Variants in SATB2 observed in about 807,000 individuals in gnomAD.
SATB2 encodes the protein DNA-binding protein SATB2.
Under a neutral mutation model 73.4 loss-of-function variants are expected in SATB2, and 1 was observed. The observed-to-expected ratio is 0.01, with a 90% CI of 0.00 to 0.06. The LOEUF (loss-of-function observed/expected upper bound fraction) is 0.06. Among genes scored for constraint, SATB2 ranks in the 10% least tolerant of loss-of-function variants. SATB2 has a pLI of 1.00. For missense variants in SATB2, 459 were observed against 945.8 expected (o/e 0.49, Z 6.75); for synonymous variants, 397 against 367.0 (o/e 1.08, Z -0.93).
upstream of SATB2, among the ~76,000 whole-genome samples, chr2:199,462,104 C>T (rs1692488866): frequency 6.6e-6 from 1 of 152,184 alleles, no homozygotes; most frequent in Admixed American, 6.5e-5. The surrounding 1 kb of genome is among the most constrained non-coding windows in gnomAD (Gnocchi z 5.9). Context: ...GCAGAGAGAC[C>T]CTGCCTTTTA....
chr2:199,318,969 T>G (rs2105782656), intron 9 of SATB2, among the ~76,000 whole-genome samples: 1 of 151,834 alleles, frequency 6.6e-6, no homozygotes, highest in Non-Finnish European at 1.5e-5. Flanking sequence ...CACTTAGGAA[T>G]ACAATTTGTT....
intron 3 of SATB2, among the ~76,000 whole-genome samples, chr2:199,391,241 C>T (rs1019820869): frequency 6.6e-5 from 10 of 151,824 alleles, no homozygotes; most frequent in African/African-American, 2.4e-4. Context: ...GGACAGAGAT[C>T]GAGAACACGC....
chr2:199,386,002 A>T (rs1545411), intron 3 of SATB2, among the ~76,000 whole-genome samples: 4,368 of 152,256 alleles, frequency 0.029, 229 homozygotes, highest in African/African-American at 0.1. Context: ...GGACTGCTAC[A>T]TAAGTGCTCC....
intron 3 of SATB2, among the ~76,000 whole-genome samples, chr2:199,417,198 C>T (rs1267730195): frequency 6.6e-6 from 1 of 151,458 alleles, no homozygotes; most frequent in African/African-American, 2.4e-5. Context: ...GGTAAAAGTG[C>T]ACCAAAATAA....
chr2:199,313,502 C>T (rs987459393), intron 9 of SATB2, among the ~76,000 whole-genome samples: 3 of 152,116 alleles, frequency 2.0e-5, no homozygotes, highest in Non-Finnish European at 2.9e-5. Flanking sequence ...TTTTAGCCAT[C>T]TCATCAGCCT....
chr2:199,415,745 C>T (rs1490004928), intron 3 of SATB2, among the ~76,000 whole-genome samples: 2 of 152,220 alleles, frequency 1.3e-5, no homozygotes, highest in African/African-American at 4.8e-5. Context: ...TCTACTGTGG[C>T]CACGCAAAGC....
At chr2:199,417,918 C>CT (rs1691042564) in intron 3 of SATB2, among the ~76,000 whole-genome samples, 3 of 152,312 alleles carry the variant, frequency 2.0e-5, no homozygotes, top group Admixed American at 2.0e-4. Flanking sequence ...AAGACCTAGT[C>CT]TACCTATACC....
At chr2:199,346,609 C>T (rs778689755) in intron 7 of SATB2, among the ~76,000 whole-genome samples, 11 of 152,152 alleles carry the variant, frequency 7.2e-5, no homozygotes, top group African/African-American at 9.7e-5. Flanking sequence ...AACAAAAACG[C>T]TATTTATTTA....
In SATB2 at chr2:199,272,169, A is replaced by T; in HGVS notation, c.*42T>A. The T allele has an allele frequency of 3.8e-6, 6 of 1,572,810 alleles. No individual in the cohort carries two copies. The highest frequency in any genetic ancestry group is 5.2e-6 in the Non-Finnish European group (6 of 1,143,924). The stretch of plus-strand genomic sequence containing the variant: ...ACTTTTAAAGAAATGAAAGCAGAAA[A>T]TCCTTGGACCGATGTATTGCTTTGC... On this transcript the variant is annotated 3_prime_UTR_variant, in exon 11 of 11. Coordinates refer to ENST00000417098, the MANE Select transcript of SATB2 (RefSeq NM_001172509.2). This position sits in a 1 kb window ranked among gnomAD's most constrained non-coding sequence, Gnocchi z 6.7.
At chr2:199,426,707 A>G (rs72931375) in intron 3 of SATB2, among the ~76,000 whole-genome samples, 2,762 of 127,720 alleles carry the variant, frequency 0.022, 80 homozygotes, top group African/African-American at 0.066. Flanking sequence ...AAAAAAAAAA[A>G]AAAAGAAAAG....
At chr2:199,288,340 G>A (rs1383297813) in intron 10 of SATB2, among the ~76,000 whole-genome samples, 1 of 152,134 alleles carries the variant, frequency 6.6e-6, no homozygotes, top group African/African-American at 2.4e-5. Context: ...TAACTACAAT[G>A]GCACTAGTGA....
chr2:199,319,657 A>T, intron 9 of SATB2, among the ~76,000 whole-genome samples: 1 of 151,954 alleles, frequency 6.6e-6, no homozygotes, highest in South Asian at 2.1e-4. Context: ...TTCTCTCCCT[A>T]CTCTATTTTT....
At chr2:199,354,522 G>A (rs1688915569) in intron 6 of SATB2, among the ~76,000 whole-genome samples, 1 of 152,148 alleles carries the variant, frequency 6.6e-6, no homozygotes, top group South Asian at 2.1e-4. Context: ...TCTAATGTAA[G>A]TCCCCAAACA....
intron 5 of SATB2, among the ~76,000 whole-genome samples, chr2:199,376,444 C>A (rs1473298218): frequency 2.0e-5 from 3 of 152,060 alleles, no homozygotes; most frequent in Non-Finnish European, 4.4e-5. Flanking sequence ...TGTCATGGGA[C>A]CTTTGGCAAC....
intron 2 of SATB2, among the ~76,000 whole-genome samples, chr2:199,454,189 GT>G (rs981996541): frequency 6.6e-6 from 1 of 152,012 alleles, no homozygotes. Flanking sequence ...GAAAAAACTT[GT>G]TTTAGGGAAG....
intron 7 of SATB2, among the ~76,000 whole-genome samples, chr2:199,345,520 A>G (rs1004159494): frequency 1.3e-5 from 2 of 150,734 alleles, no homozygotes; most frequent in African/African-American, 4.9e-5. Flanking sequence ...TAAAACTATC[A>G]CTTTAACCTT....
intron 10 of SATB2, among the ~76,000 whole-genome samples, chr2:199,304,764 G>C (rs981187412): frequency 4.6e-5 from 7 of 152,142 alleles, no homozygotes; most frequent in Non-Finnish European, 8.8e-5. Context: ...TGAAGAGACT[G>C]AGAATACTAA....
At chr2:199,326,567 C>A (rs1446368788) in intron 8 of SATB2, among the ~76,000 whole-genome samples, 1 of 151,988 alleles carries the variant, frequency 6.6e-6, no homozygotes, top group East Asian at 1.9e-4. Context: ...AATACACAGA[C>A]CTGTGTTAAT....
At chr2:199,406,668 C>G (rs1690637743) in intron 3 of SATB2, among the ~76,000 whole-genome samples, 1 of 152,020 alleles carries the variant, frequency 6.6e-6, no homozygotes, top group Admixed American at 6.6e-5. Flanking sequence ...CATGAAGCCA[C>G]AGGTTTCTCT....
Sources: allele counts gnomAD v4.1 joint callset (sites outside exome capture counted in the v4.1 genomes callset), GRCh38; gene constraint gnomAD v4.1.1; non-coding constraint Gnocchi (gnomAD v3.1); transcripts MANE v1.5; gene names NCBI Gene and HGNC (gene_info 2026-07-23, HGNC 2026-07-21).